RPRD1B: variants seen among roughly 807,000 people sequenced by gnomAD.
RPRD1B encodes regulation of nuclear pre-mRNA domain containing 1B.
In RPRD1B, 11 loss-of-function variants were observed where a neutral mutation model predicts 41.5. The ratio of observed to expected loss-of-function variants is 0.27; its 90% CI spans 0.17 to 0.44. The LOEUF (loss-of-function observed/expected upper bound fraction) is 0.44, where lower values mean the gene tolerates loss of function less well. Among genes scored for constraint, RPRD1B ranks in the 20% least tolerant of loss-of-function variants. RPRD1B has a pLI of 1.00. For synonymous variants in RPRD1B, 158 were observed against 155.6 expected (o/e 1.02, Z -0.12); for missense variants, 248 against 389.9 (o/e 0.64, Z 3.06).
intron 5 of RPRD1B, among the ~76,000 whole-genome samples, chr20:38,064,723 T>C (rs1272674174): frequency 6.6e-6 from 1 of 152,192 alleles, no homozygotes; most frequent in Admixed American, 6.5e-5. Context: ...TTACAACCCA[T>C]TAATTGGATA....
intron 6 of RPRD1B, among the ~76,000 whole-genome samples, chr20:38,081,615 TC>T (rs1425591502): frequency 2.0e-5 from 3 of 152,176 alleles, no homozygotes; most frequent in Non-Finnish European, 4.4e-5. Context: ...AGAGTGGGCA[TC>T]CTTGTCTTAT....
intron 6 of RPRD1B, among the ~76,000 whole-genome samples, chr20:38,089,127 G>A (rs2074589503): frequency 6.6e-6 from 1 of 152,192 alleles, no homozygotes; most frequent in Admixed American, 6.5e-5. Context: ...GGGCTTTTGG[G>A]AGAGAAGTCT....
intron 2 of RPRD1B, among the ~76,000 whole-genome samples, 154 bp downstream of exon 2, chr20:38,040,718 C>G (rs2074057366): frequency 6.6e-6 from 1 of 152,118 alleles, no homozygotes; most frequent in Admixed American, 6.5e-5. Flanking sequence ...TTGTTGAGCC[C>G]TCAAGAACTA....
At chr20:38,051,820 C>T (rs539561430) in intron 3 of RPRD1B, among the ~76,000 whole-genome samples, 96 of 152,142 alleles carry the variant, frequency 6.3e-4, no homozygotes, top group Admixed American at 9.8e-4. Context: ...GGCGGGACCT[C>T]GGCTCACCGC....
chr20:38,060,053 G>A (rs1447117643), intron 5 of RPRD1B, among the ~76,000 whole-genome samples: 1 of 152,172 alleles, frequency 6.6e-6, no homozygotes, highest in Admixed American at 6.5e-5. Flanking sequence ...TTTCCTTATG[G>A]GAAATTGAAA....
At chr20:38,038,723 C>T (rs1209884893) in intron 1 of RPRD1B, among the ~76,000 whole-genome samples, 4 of 152,140 alleles carry the variant, frequency 2.6e-5, no homozygotes, top group Non-Finnish European at 4.4e-5. Context: ...GCCTTGATCT[C>T]GTGACCTCAG....
intron 6 of RPRD1B, among the ~76,000 whole-genome samples, chr20:38,072,207 G>T (rs1270582843): frequency 1.3e-5 from 2 of 152,060 alleles, no homozygotes; most frequent in African/African-American, 2.4e-5. Flanking sequence ...TGTGATGTAG[G>T]GGGGGACCAA....
intron 6 of RPRD1B, 68 bp from the exon 7 acceptor site, chr20:38,089,658 G>T: frequency 7.5e-7 from 1 of 1,336,416 alleles, no homozygotes; most frequent in Non-Finnish European, 1.1e-6. Flanking sequence ...TAGCTGCCCG[G>T]CTCCAGCAGC....
intron 2 of RPRD1B, among the ~76,000 whole-genome samples, chr20:38,041,004 G>A (rs2074060685): frequency 6.6e-6 from 1 of 152,072 alleles, no homozygotes; most frequent in Non-Finnish European, 1.5e-5. Context: ...AAAATAGTAG[G>A]CATTACTGTA....
At chr20:38,050,019 C>T (rs780631656) in intron 3 of RPRD1B, among the ~76,000 whole-genome samples, 8 of 152,220 alleles carry the variant, frequency 5.3e-5, no homozygotes, top group Non-Finnish European at 1.2e-4. Context: ...GTGTGATGAA[C>T]TCATTCTCCA....
At chr20:38,077,891 A>G (rs2074478937) in intron 6 of RPRD1B, among the ~76,000 whole-genome samples, 1 of 152,142 alleles carries the variant, frequency 6.6e-6, no homozygotes. Context: ...ATATGGGCCC[A>G]GTGGCCAGGT....
At chr20:38,045,579 A>G (rs1203800208) in intron 2 of RPRD1B, among the ~76,000 whole-genome samples, 1 of 152,198 alleles carries the variant, frequency 6.6e-6, no homozygotes, top group Non-Finnish European at 1.5e-5. Context: ...TTTTGTGGTT[A>G]TAACAGGTTT....
chr20:38,066,990 G>C (rs1170336475), intron 6 of RPRD1B, among the ~76,000 whole-genome samples: 1 of 152,026 alleles, frequency 6.6e-6, no homozygotes, highest in East Asian at 1.9e-4. Flanking sequence ...TCCATGCTGC[G>C]GCCAAGAAGT....
intron 5 of RPRD1B, among the ~76,000 whole-genome samples, chr20:38,060,633 A>G (rs2074287609): frequency 6.6e-6 from 1 of 152,126 alleles, no homozygotes. Context: ...CAGGCAGTGG[A>G]AGCAGCACAG....
At chr20:38,043,323 A>G (rs2074086679) in intron 2 of RPRD1B, among the ~76,000 whole-genome samples, 1 of 152,208 alleles carries the variant, frequency 6.6e-6, no homozygotes, top group Non-Finnish European at 1.5e-5. Context: ...TGTGGTTAGA[A>G]TATAGTGCAC....
At chr20:38,082,729 A>G (rs1213605152) in intron 6 of RPRD1B, among the ~76,000 whole-genome samples, 2 of 152,172 alleles carry the variant, frequency 1.3e-5, no homozygotes, top group African/African-American at 4.8e-5. Context: ...ATCTCCCTCC[A>G]GTAGAAAAGA....
chr20:38,089,907 AC>A lies in RPRD1B; in HGVS notation c.*34del. ...TGTCATGTCCCAGATTTCTGTTTGT[AC>A]CAGCAGAAAGAAGAGGGCAAGTCAT... On this transcript the variant is annotated 3_prime_UTR_variant, in exon 7 of 7. Transcript: ENST00000373433. The A allele has an allele frequency of 1.2e-6, 2 of 1,605,624 alleles. No individual in the cohort carries two copies. The highest frequency in any genetic ancestry group is 8.5e-7 in the Non-Finnish European group (1 of 1,176,056).
rs1461058759 is a variant in RPRD1B, at chr20:38,062,829, C to G, written c.656-3252C>G. 4.6e-4 allele frequency among the ~76,000 whole-genome samples: 14 copies of G among 30,634 alleles called. 1 individual carries two copies. The highest frequency in any genetic ancestry group is 1.9e-3 in the African/African-American group (10 of 5,280). The allele number at this position is 30,634 out of a possible 152,430, so 20.1% of individuals were successfully genotyped here. ...CCCATCACCAAATTAAAAGCCAGAG[C>G]CCCCCCCCCTTTTTTTTTTTTTTTG... On this transcript the variant is annotated intron_variant, in intron 5 of 6. Transcript: ENST00000373433.
chr20:38,063,880 C>CAA (rs1296287580), intron 5 of RPRD1B, among the ~76,000 whole-genome samples: 5 of 152,138 alleles, frequency 3.3e-5, no homozygotes, highest in Admixed American at 1.3e-4. Context: ...ACTCACTAAA[C>CAA]TATTATAAGT....
Sources: gnomAD v4.1 joint callset for allele counts (sites outside exome capture counted in the v4.1 genomes callset) on GRCh38, gnomAD v4.1.1 for gene constraint, MANE v1.5 for transcripts, NCBI Gene and HGNC (gene_info 2026-07-23, HGNC 2026-07-21) for gene names.